Variants in PALLD observed in about 807,000 individuals in gnomAD.
PALLD encodes the protein palladin.
A neutral mutation model predicts 123.5 loss-of-function variants in PALLD; 61 were observed. The observed-to-expected ratio is 0.49, with a 90% CI of 0.40 to 0.61. PALLD has a LOEUF of 0.61. Ranked by LOEUF, PALLD falls within the 20% of genes least tolerant of loss-of-function variation. PALLD has a pLI of 0.00. For missense variants in PALLD, 1,273 were observed against 1,377.0 expected (o/e 0.92, Z 1.20); for synonymous variants, 465 against 496.4 (o/e 0.94, Z 0.84).
intron 2 of PALLD, among the ~76,000 whole-genome samples, chr4:168,655,745 C>G (rs1459827424): frequency 6.6e-6 from 1 of 152,162 alleles, no homozygotes; most frequent in Non-Finnish European, 1.5e-5. Flanking sequence ...AGGCAAGGAA[C>G]TGGGGGTTTC....
intron 10 of PALLD, among the ~76,000 whole-genome samples, chr4:168,837,188 A>C (rs2150899740): frequency 6.6e-6 from 1 of 152,314 alleles, no homozygotes; most frequent in African/African-American, 2.4e-5. Context: ...AAGAGGGGGA[A>C]GAGAGCACAG....
intron 10 of PALLD, among the ~76,000 whole-genome samples, chr4:168,731,389 T>A (rs1174193294): frequency 2.0e-5 from 3 of 152,194 alleles, no homozygotes; most frequent in Non-Finnish European, 2.9e-5. Flanking sequence ...GAATCTCCCC[T>A]ATTCCCAAGC....
chr4:168,901,548 CT>C (rs2151289377), intron 14 of PALLD, among the ~76,000 whole-genome samples: 1 of 152,270 alleles, frequency 6.6e-6, no homozygotes, highest in South Asian at 2.1e-4. Flanking sequence ...ATTACAGCTT[CT>C]TTTTTCCATC....
chr4:168,609,367 AAAG>A (rs1261010355), intron 2 of PALLD, among the ~76,000 whole-genome samples: 1 of 151,614 alleles, frequency 6.6e-6, no homozygotes, highest in Non-Finnish European at 1.5e-5. Context: ...AAAAAAAAAA[AAAG>A]TTCTCCAGGT....
intron 10 of PALLD, among the ~76,000 whole-genome samples, chr4:168,825,396 A>G (rs962835684): frequency 2.0e-5 from 3 of 152,180 alleles, no homozygotes; most frequent in African/African-American, 4.8e-5. Context: ...TTTGTTAGAA[A>G]ACCTTTAACT....
At chr4:168,550,399 G>T (rs1025412331) in intron 2 of PALLD, among the ~76,000 whole-genome samples, 1 of 152,082 alleles carries the variant, frequency 6.6e-6, no homozygotes, top group Non-Finnish European at 1.5e-5. Context: ...ACAAGTATTT[G>T]AGTTATTCTA....
chr4:168,832,210 AT>A, intron 10 of PALLD: 1 of 985,076 alleles, frequency 1.0e-6, no homozygotes, highest in Non-Finnish European at 1.2e-6. Context: ...GGTGGAAGAA[AT>A]GTGTGAATTA....
intron 5 of PALLD, among the ~76,000 whole-genome samples, chr4:168,683,905 C>T (rs1021389555): frequency 5.3e-5 from 8 of 152,002 alleles, no homozygotes; most frequent in Non-Finnish European, 8.8e-5. Flanking sequence ...TAGGTGCTAT[C>T]GATATGTGGA....
rs11132414 is a variant in PALLD, at chr4:168,688,836, G to A, written c.1336-1767G>A. On this transcript the variant is annotated intron_variant, in intron 6 of 21. Transcript: ENST00000505667. ...TCAAAGTCTCTTTTGGTGCCTCAAA[G>A]CTGAAGCATGAAAAATATTTTGGTG... Among the ~76,000 whole-genome samples, 4 of 152,038 alleles carry A rather than the reference G, an allele frequency of 2.6e-5. No homozygotes were observed. The South Asian group carries it at 8.3e-4, about 32-fold the overall frequency.
At chr4:168,556,288 G>A (rs1285947616) in intron 2 of PALLD, among the ~76,000 whole-genome samples, 1 of 151,958 alleles carries the variant, frequency 6.6e-6, no homozygotes, top group East Asian at 1.9e-4. Context: ...GTAGAAACGG[G>A]GCTTCACCGT....
intron 13 of PALLD, among the ~76,000 whole-genome samples, chr4:168,897,256 T>G (rs1755409599): frequency 6.6e-6 from 1 of 152,232 alleles, no homozygotes. Context: ...ATTAATTTGA[T>G]AGTAATTAGA....
intron 10 of PALLD, among the ~76,000 whole-genome samples, chr4:168,739,299 G>C (rs1788092255): frequency 6.6e-6 from 1 of 152,222 alleles, no homozygotes; most frequent in Non-Finnish European, 1.5e-5. Context: ...AGGATTGCTG[G>C]ATGGTATGGT....
chr4:168,518,882 A>C (rs1303634815), intron 2 of PALLD, among the ~76,000 whole-genome samples: 1 of 152,190 alleles, frequency 6.6e-6, no homozygotes, highest in Non-Finnish European at 1.5e-5. Context: ...CTGGCATGTA[A>C]CAGGTGCTCA....
intron 2 of PALLD, among the ~76,000 whole-genome samples, chr4:168,627,901 C>T (rs1223506277): frequency 6.6e-6 from 1 of 152,112 alleles, no homozygotes; most frequent in Non-Finnish European, 1.5e-5. Context: ...CAGAGAAATG[C>T]GAGTCAAAAC....
intron 2 of PALLD, among the ~76,000 whole-genome samples, chr4:168,632,612 C>G (rs887001229): frequency 2.0e-5 from 3 of 152,176 alleles, no homozygotes; most frequent in Non-Finnish European, 4.4e-5. Flanking sequence ...TGTTAGCATT[C>G]AGTTGGCGGT....
chr4:168,630,082 A>T (rs1250776998), intron 2 of PALLD, among the ~76,000 whole-genome samples: 2 of 152,212 alleles, frequency 1.3e-5, no homozygotes, highest in Non-Finnish European at 2.9e-5. Flanking sequence ...TCTTTCGCCC[A>T]GGCATTTTAA....
At chr4:168,651,043 G>A (rs535473399) in intron 2 of PALLD, among the ~76,000 whole-genome samples, 1 of 152,118 alleles carries the variant, frequency 6.6e-6, no homozygotes, top group Non-Finnish European at 1.5e-5. Context: ...TTTCAGGATC[G>A]TAATTAAACT....
intron 2 of PALLD, among the ~76,000 whole-genome samples, chr4:168,608,850 A>ATTTG (rs1554049871): frequency 1.4e-3 from 195 of 135,796 alleles, no homozygotes; most frequent in Non-Finnish European, 2.3e-3. Flanking sequence ...AGCTATAACT[A>ATTTG]TTTTTTTTTT....
chr4:168,924,183 A>G (rs1390807431), intron 18 of PALLD, 72 bp from the exon 19 acceptor site: 1 of 1,386,226 alleles, frequency 7.2e-7, no homozygotes, highest in Non-Finnish European at 1.0e-6. Context: ...CAATATTCCA[A>G]AAGCCTTCTG....
Sources: gnomAD v4.1 joint callset for allele counts (sites outside exome capture counted in the v4.1 genomes callset) on GRCh38, gnomAD v4.1.1 for gene constraint, MANE v1.5 for transcripts, NCBI Gene and HGNC (gene_info 2026-07-23, HGNC 2026-07-21) for gene names.